SGCD: variants seen among roughly 807,000 people sequenced by gnomAD.
SGCD encodes delta-sarcoglycan.
A neutral mutation model predicts 36.6 loss-of-function variants in SGCD; 18 were observed. The observed-to-expected ratio is 0.49, with a 90% CI of 0.34 to 0.73. The LOEUF (loss-of-function observed/expected upper bound fraction) is 0.73, where lower values mean the gene tolerates loss of function less well. SGCD is among the 30% of genes least tolerant of loss of function. The pLI is 0.01. For synonymous variants in SGCD, 133 were observed against 130.6 expected (o/e 1.02, Z -0.12); for missense variants, 387 against 346.7 (o/e 1.12, Z -0.92).
rs372399423 is a variant in SGCD, at chr5:155,891,558, C to CTTTTTTTTTTTTTTTTTTTTTTTTTTTT, written c.-282+21153_-282+21154insTTTTTTTTTTTTTTTTTTTTTTTTTTTT. 2.5e-4 allele frequency among the ~76,000 whole-genome samples: 15 copies of CTTTTTTTTTTTTTTTTTTTTTTTTTTTT among 60,778 alleles called. 4 individuals are homozygous for CTTTTTTTTTTTTTTTTTTTTTTTTTTTT. Among genetic ancestry groups the CTTTTTTTTTTTTTTTTTTTTTTTTTTTT allele is most frequent in the African/African-American group, 4.8e-4 (7 of 14,588 alleles). The allele number at this position is 60,778 out of a possible 152,430, so 39.9% of individuals were successfully genotyped here. On this transcript the variant is annotated intron_variant, in intron 1 of 9. Transcript: ENST00000517913. ...CAAATTCCAGAGAAAAATAAATACT[C>CTTTTTTTTTTTTTTTTTTTTTTTTTTTT]TTTTTTTTTTTTTTTTTTTGGTGAC...
At chr5:156,495,279 T>C (rs949563145) in intron 3 of SGCD, among the ~76,000 whole-genome samples, 16 of 152,182 alleles carry the variant, frequency 1.1e-4, no homozygotes, top group African/African-American at 3.9e-4. Flanking sequence ...GTATGTCTGA[T>C]GCCATCTTTT....
chr5:156,288,247 T>C (rs1362222195), intron 3 of SGCD, among the ~76,000 whole-genome samples: 1 of 152,136 alleles, frequency 6.6e-6, no homozygotes, highest in African/African-American at 2.4e-5. Flanking sequence ...GTCAAAGACC[T>C]AAGGAAATCA....
intron 7 of SGCD, among the ~76,000 whole-genome samples, chr5:156,752,122 T>A (rs1757167362): frequency 6.6e-6 from 1 of 152,100 alleles, no homozygotes; most frequent in South Asian, 2.1e-4. Flanking sequence ...TAGAATAACC[T>A]CAGAAACATC....
At chr5:156,244,890 T>C (rs1765403145) in intron 3 of SGCD, among the ~76,000 whole-genome samples, 1 of 152,210 alleles carries the variant, frequency 6.6e-6, no homozygotes, top group African/African-American at 2.4e-5. Context: ...GCCAATCTTG[T>C]TTCATTGAAA....
intron 4 of SGCD, 87 bp downstream of exon 4, chr5:156,508,789 A>G: frequency 2.7e-6 from 2 of 751,940 alleles, no homozygotes; most frequent in Non-Finnish European, 4.4e-6. Context: ...CTGAGTACAG[A>G]GAATTGGGGT....
the SGCD span, among the ~76,000 whole-genome samples, chr5:155,823,298 G>C: frequency 1.7e-5 from 2 of 115,900 alleles, no homozygotes; most frequent in Admixed American, 1.9e-4. Flanking sequence ...GTCAAACAGT[G>C]AAGCAGAAAA....
chr5:156,742,586 A>G lies in SGCD; in HGVS notation c.576-14995A>G, dbSNP rs74326883. 3.2e-3 allele frequency among the ~76,000 whole-genome samples: 492 copies of G among 152,258 alleles called. 3 individuals are homozygous for G. The highest frequency in any genetic ancestry group is 0.011 in the African/African-American group (476 of 41,560). On this transcript the variant is annotated intron_variant, in intron 7 of 8. Transcript: ENST00000337851. The stretch of plus-strand genomic sequence containing the variant: ...CCTCTTATGCACTTTCCACTCTGTT[A>G]GAGAAACAGAAAAAACTGGACATAG...
chr5:156,641,955 G>A (rs1361455576), intron 6 of SGCD, among the ~76,000 whole-genome samples: 1 of 152,172 alleles, frequency 6.6e-6, no homozygotes, highest in East Asian at 1.9e-4. Context: ...TGCTATAGCA[G>A]ATACTACAGA....
At chr5:156,555,971 G>T (rs1033386754) in intron 4 of SGCD, among the ~76,000 whole-genome samples, 1 of 151,662 alleles carries the variant, frequency 6.6e-6, no homozygotes, top group Non-Finnish European at 1.5e-5. Flanking sequence ...ATGTTTTAGG[G>T]CTTACATAAT....
intron 3 of SGCD, among the ~76,000 whole-genome samples, chr5:156,300,559 G>C (rs1767029017): frequency 6.6e-6 from 1 of 152,108 alleles, no homozygotes; most frequent in Admixed American, 6.6e-5. Context: ...AATGATCCAT[G>C]TGGTGAAGAG....
intron 3 of SGCD, among the ~76,000 whole-genome samples, chr5:156,223,950 A>C (rs189696695): frequency 1.3e-5 from 2 of 152,022 alleles, no homozygotes; most frequent in African/African-American, 4.8e-5. Flanking sequence ...CCTGTAAATT[A>C]ATGAATCCAA....
At chr5:156,593,357 G>A (rs537564543) in intron 5 of SGCD, among the ~76,000 whole-genome samples, 2 of 152,210 alleles carry the variant, frequency 1.3e-5, no homozygotes, top group African/African-American at 2.4e-5. Flanking sequence ...ACCAGACAAG[G>A]CTGTTCAGTG....
intron 1 of SGCD, among the ~76,000 whole-genome samples, chr5:156,072,069 C>T (rs1010563257): frequency 1.1e-4 from 16 of 152,148 alleles, no homozygotes; most frequent in Non-Finnish European, 1.8e-4. Context: ...ACTGATGGGT[C>T]TTGACTCTTT....
the SGCD span, among the ~76,000 whole-genome samples, chr5:155,789,962 A>C: frequency 6.6e-6 from 1 of 152,020 alleles, no homozygotes; most frequent in Non-Finnish European, 1.5e-5. Flanking sequence ...TGTTAGCTGG[A>C]GTATAGATGA....
chr5:155,954,614 A>G (rs534164045), intron 1 of SGCD, among the ~76,000 whole-genome samples: 31 of 149,794 alleles, frequency 2.1e-4, no homozygotes, highest in African/African-American at 7.6e-4. Flanking sequence ...CTTGCAAGGC[A>G]TGGCTTTTTT....
chr5:156,077,156 G>A (rs1449866331), intron 1 of SGCD, among the ~76,000 whole-genome samples: 2 of 152,136 alleles, frequency 1.3e-5, no homozygotes, highest in African/African-American at 2.4e-5. Context: ...GTGGCTTAAT[G>A]TGACCTCTTT....
rs114824020 is a variant in SGCD at position 156,230,085 on chromosome 5, C to T, written c.-43-99449C>T. Among the ~76,000 whole-genome samples, 625 of 152,198 alleles carry T rather than the reference C, an allele frequency of 4.1e-3. 1 individual carries two copies. Among genetic ancestry groups the T allele is most frequent in the Middle Eastern group, 0.017 (5 of 294 alleles). On this transcript the variant is annotated intron_variant, in intron 3 of 9. Transcript: ENST00000517913. ...CACTTCTTGTGTCTTTTTATAACTT[C>T]CTTACATTTGGCTTCACCTTTCTCT...
At chr5:156,159,354 A>G (rs771250379) in intron 3 of SGCD, among the ~76,000 whole-genome samples, 1 of 151,686 alleles carries the variant, frequency 6.6e-6, no homozygotes, top group African/African-American at 2.4e-5. Context: ...CTTTAAAGAC[A>G]TGATTATTAA....
At chr5:156,447,272 A>G (rs1345841143) in intron 3 of SGCD, among the ~76,000 whole-genome samples, 1 of 152,226 alleles carries the variant, frequency 6.6e-6, no homozygotes, top group African/African-American at 2.4e-5. Context: ...ACCATATAAA[A>G]TTTCTAATCA....
Sources: allele counts gnomAD v4.1 joint callset (sites outside exome capture counted in the v4.1 genomes callset), GRCh38; gene constraint gnomAD v4.1.1; transcripts MANE v1.5; gene names NCBI Gene and HGNC (gene_info 2026-07-23, HGNC 2026-07-21).